Variants in THSD7B observed in about 807,000 individuals in gnomAD.
THSD7B encodes the protein thrombospondin type 1 domain containing 7B, also known as thrombospondin type-1 domain-containing protein 7B.
In THSD7B, 138 loss-of-function variants were observed where a neutral mutation model predicts 213.6. The ratio of observed to expected loss-of-function variants is 0.65; its 90% CI spans 0.56 to 0.74. The LOEUF is 0.74. Among genes scored for constraint, THSD7B ranks in the 30% least tolerant of loss-of-function variants. The pLI, the probability that THSD7B is intolerant of heterozygous loss-of-function variation, is 0.00. For missense variants in THSD7B, 1,931 were observed against 1,991.5 expected (o/e 0.97, Z 0.58); for synonymous variants, 742 against 687.0 (o/e 1.08, Z -1.25).
chr2:136,810,750 C>G (rs528885149), intron 1 of THSD7B, among the ~76,000 whole-genome samples: 1 of 152,314 alleles, frequency 6.6e-6, no homozygotes, highest in East Asian at 1.9e-4. Flanking sequence ...TCAACATAGT[C>G]TGCTCCCTGA....
intron 14 of THSD7B, among the ~76,000 whole-genome samples, chr2:137,435,892 A>G (rs1356599957): frequency 1.3e-5 from 2 of 152,106 alleles, no homozygotes; most frequent in Non-Finnish European, 2.9e-5. Context: ...GATTCAGCCT[A>G]ACTTTCCAGT....
At chr2:137,109,094 A>G (rs1025999941) in intron 4 of THSD7B, among the ~76,000 whole-genome samples, 2 of 152,140 alleles carry the variant, frequency 1.3e-5, no homozygotes, top group Non-Finnish European at 2.9e-5. Flanking sequence ...TCTTTGCCCT[A>G]CATTCACTAT....
intron 2 of THSD7B, among the ~76,000 whole-genome samples, chr2:137,009,782 A>G (rs2104832793): frequency 6.6e-6 from 1 of 152,276 alleles, no homozygotes; most frequent in South Asian, 2.1e-4. Flanking sequence ...CGGGGCTACA[A>G]TTCAAGATGA....
intron 12 of THSD7B, among the ~76,000 whole-genome samples, chr2:137,336,961 C>A (rs1684651988): frequency 6.6e-6 from 1 of 151,876 alleles, no homozygotes; most frequent in Non-Finnish European, 1.5e-5. Flanking sequence ...ACTTTAAAAA[C>A]TACAAAATAG....
intron 2 of THSD7B, among the ~76,000 whole-genome samples, chr2:136,894,857 T>G (rs1203237986): frequency 6.6e-6 from 1 of 152,226 alleles, no homozygotes; most frequent in Non-Finnish European, 1.5e-5. Context: ...CCTAATATAC[T>G]TTAGCTGTTT....
At chr2:137,335,627 A>G (rs1323425867) in intron 12 of THSD7B, among the ~76,000 whole-genome samples, 1 of 152,234 alleles carries the variant, frequency 6.6e-6, no homozygotes, top group Non-Finnish European at 1.5e-5. Flanking sequence ...GCATTGCAGT[A>G]GTTAGACAGA....
At chr2:136,922,070 C>T (rs1421531452) in intron 2 of THSD7B, among the ~76,000 whole-genome samples, 1 of 152,196 alleles carries the variant, frequency 6.6e-6, no homozygotes, top group Non-Finnish European at 1.5e-5. Context: ...CTTATTTCCC[C>T]TTCACTGTCT....
At chr2:136,801,482 G>A (rs1230567965) in intron 1 of THSD7B, among the ~76,000 whole-genome samples, 1 of 152,036 alleles carries the variant, frequency 6.6e-6, no homozygotes, top group Admixed American at 6.6e-5. Flanking sequence ...ATAGGGCTAG[G>A]CTGCTTTATC....
At chr2:137,537,442 A>G (rs1240446175) in intron 15 of THSD7B, among the ~76,000 whole-genome samples, 2 of 151,730 alleles carry the variant, frequency 1.3e-5, no homozygotes, top group African/African-American at 4.8e-5. Context: ...ATATTTTTGA[A>G]ATAGTGATAG....
chr2:137,232,978 G>A lies in THSD7B; in HGVS notation c.1995G>A (p.Trp665Ter). The change falls in exon 9 of 28, where the codon TGG becomes TGA. Residue 665 changes from tryptophan to a stop codon, truncating the protein, a stop_gained. Coordinates refer to ENST00000409968, the MANE Select transcript of THSD7B (RefSeq NM_001316349.2). LOFTEE classifies it high-confidence loss of function. The stretch of plus-strand genomic sequence containing the variant: ...ACCATTCCTGTATGCAGCTTCACTG[G>A]GAGACATCGCCTTGGGGCCCTTGTT... ...CNDHSCMQLH[W>*]ETSPWGPCSE... 1 of 1,613,932 alleles carries A rather than the reference G, an allele frequency of 6.2e-7. No homozygotes were observed. The highest frequency in any genetic ancestry group is 8.5e-7 in the Non-Finnish European group (1 of 1,179,848).
At chr2:137,178,857 T>C (rs115190128) in intron 7 of THSD7B, among the ~76,000 whole-genome samples, 1,887 of 152,346 alleles carry the variant, frequency 0.012, 33 homozygotes, top group African/African-American at 0.041. Context: ...TTTGTCTTTT[T>C]TCTCCTTTAG....
chr2:137,100,890 C>T (rs936401202), intron 4 of THSD7B, among the ~76,000 whole-genome samples: 1 of 135,226 alleles, frequency 7.4e-6, no homozygotes, highest in Non-Finnish European at 1.5e-5. Context: ...TCCAGCTTTC[C>T]AGAAAAAAAA....
chr2:137,081,724 A>G (rs535819710), intron 3 of THSD7B, among the ~76,000 whole-genome samples: 1 of 152,256 alleles, frequency 6.6e-6, no homozygotes, highest in South Asian at 2.1e-4. Flanking sequence ...TGTTAGTAGA[A>G]ACATTTTCAC....
intron 2 of THSD7B, among the ~76,000 whole-genome samples, chr2:136,998,277 AAAAAG>A (rs1274022532): frequency 8.6e-5 from 13 of 150,886 alleles, no homozygotes; most frequent in South Asian, 4.2e-4. Context: ...AAAAAAAAAA[AAAAAG>A]AAAGAAAAAA....
chr2:137,101,694 C>G (rs1688153341), intron 4 of THSD7B, among the ~76,000 whole-genome samples: 1 of 152,134 alleles, frequency 6.6e-6, no homozygotes, highest in Non-Finnish European at 1.5e-5. Context: ...GATGCTCAAG[C>G]TTGGTGGTGG....
intron 15 of THSD7B, among the ~76,000 whole-genome samples, chr2:137,531,341 G>A (rs1467772256): frequency 6.6e-6 from 1 of 151,908 alleles, no homozygotes; most frequent in African/African-American, 2.4e-5. Flanking sequence ...TGACACTGAT[G>A]CCCTTGACAC....
chr2:136,815,964 A>G (rs895761662), intron 1 of THSD7B, among the ~76,000 whole-genome samples: 25 of 152,254 alleles, frequency 1.6e-4, no homozygotes, highest in Admixed American at 1.5e-3. Flanking sequence ...AGCTCACTGC[A>G]ATCTCTGCCT....
chr2:137,570,516 G>T (rs1298763086), intron 16 of THSD7B, among the ~76,000 whole-genome samples: 1 of 152,048 alleles, frequency 6.6e-6, no homozygotes, highest in East Asian at 1.9e-4. Flanking sequence ...CACCATGTTA[G>T]CGAGGATGGT....
intron 12 of THSD7B, among the ~76,000 whole-genome samples, chr2:137,404,470 T>TAC (rs1188350163): frequency 2.2e-3 from 135 of 62,506 alleles, no homozygotes; most frequent in African/African-American, 6.9e-3. Context: ...TATATATATA[T>TAC]ATATACACAC....
Sources: allele counts gnomAD v4.1 joint callset (sites outside exome capture counted in the v4.1 genomes callset), GRCh38; gene constraint gnomAD v4.1.1; transcripts MANE v1.5; gene names NCBI Gene and HGNC (gene_info 2026-07-23, HGNC 2026-07-21).